The following NT5DC3 variants were observed in gnomAD, a reference collection of about 807,000 sequenced individuals.
NT5DC3 encodes the protein 5'-nucleotidase domain containing 3.
A neutral mutation model predicts 67.8 loss-of-function variants in NT5DC3; 42 were observed. That is an observed-to-expected ratio of 0.62 (90% CI 0.48 to 0.80). NT5DC3 has a LOEUF of 0.80. Among genes scored for constraint, NT5DC3 ranks in the 30% least tolerant of loss-of-function variants. NT5DC3 has a pLI of 0.00. For synonymous variants in NT5DC3, 237 were observed against 255.6 expected, an observed-to-expected ratio of 0.93 and a Z score of 0.69; for missense variants, 570 against 696.4, an observed-to-expected ratio of 0.82 and a Z score of 2.04.
rs568251596 is a variant in NT5DC3 at position 103,774,308 on chromosome 12, C to T, written c.*3521G>A. 7 of 152,312 alleles carry T rather than the reference C, an allele frequency of 4.6e-5. No homozygotes were observed. The South Asian group carries it at 1.0e-3, about 23-fold the overall frequency. 9.4% of individuals were successfully genotyped at this position (152,312 alleles called of 1,614,324 possible). A position where few individuals can be genotyped will look rare whatever the true frequency, so the allele number is the denominator to read the frequency against. ...TTTTTTAAATGGCTGAAAACAGATT[C>T]ATTTCCCTTGTACCAATATGCATTC... On this transcript the variant is annotated 3_prime_UTR_variant, in exon 14 of 14. Coordinates refer to ENST00000392876, the MANE Select transcript of NT5DC3 (RefSeq NM_001031701.3).
At chr12:103,796,342 C>A (rs1886313054) in intron 6 of NT5DC3, among the ~76,000 whole-genome samples, 1 of 152,006 alleles carries the variant, frequency 6.6e-6, no homozygotes, top group South Asian at 2.1e-4. Context: ...CATGGTGAAA[C>A]CTCGTCTCTA....
At chr12:103,750,965 G>A in the NT5DC3 span, among the ~76,000 whole-genome samples, 18 of 152,194 alleles carry the variant, frequency 1.2e-4, no homozygotes, top group South Asian at 2.1e-4. Context: ...GGCAGTGCGC[G>A]CCTGTAATCC....
chr12:103,830,338 T>C (rs1887874533), intron 1 of NT5DC3, among the ~76,000 whole-genome samples: 1 of 152,222 alleles, frequency 6.6e-6, no homozygotes, highest in Non-Finnish European at 1.5e-5. Context: ...TATGATATTC[T>C]CTTTGTCTTT....
chr12:103,797,822 A>C (rs1008978225), intron 5 of NT5DC3, among the ~76,000 whole-genome samples: 2 of 152,238 alleles, frequency 1.3e-5, no homozygotes, highest in African/African-American at 2.4e-5. Flanking sequence ...ATGGGGTTAC[A>C]TTCTGATAAA....
chr12:103,803,859 A>ACCC lies in NT5DC3; in HGVS notation c.524+2460_524+2462dup, dbSNP rs10652483. Among the ~76,000 whole-genome samples the ACCC allele has an allele frequency of 7.8e-3, 1,080 of 139,092 alleles. 15 individuals are homozygous for ACCC. Among genetic ancestry groups the ACCC allele is most frequent in the Admixed American group, 0.025 (339 of 13,438 alleles). The allele number at this position is 139,092 out of a possible 152,430, so 91.2% of individuals were successfully genotyped here. ...TACTAAAATAGATTCATTCATTACCACCCCCCCCCCAAAAAAATGTGTTGA... is the reference window on the plus strand; with the variant it reads ...TACTAAAATAGATTCATTCATTACCACCCCCCCCCCCCCAAAAAAATGTGTTGA... On this transcript the variant is annotated intron_variant, in intron 4 of 13. Coordinates refer to ENST00000392876, the MANE Select transcript of NT5DC3 (RefSeq NM_001031701.3).
At chr12:103,832,940 A>G (rs540318640) in intron 1 of NT5DC3, among the ~76,000 whole-genome samples, 4 of 152,346 alleles carry the variant, frequency 2.6e-5, no homozygotes, top group Non-Finnish European at 5.9e-5. Context: ...GTGTCTTTTT[A>G]TAAAGAAAAA....
chr12:103,749,298 C>T, the NT5DC3 span: 2 of 1,000,116 alleles, frequency 2.0e-6, no homozygotes, highest in Admixed American at 6.0e-5. Context: ...TGTTAAAAGT[C>T]ATTGGGCTAA....
At chr12:103,765,073 C>G in the NT5DC3 span, among the ~76,000 whole-genome samples, 1 of 100,166 alleles carries the variant, frequency 1.0e-5, no homozygotes, top group South Asian at 3.5e-4. Context: ...GGCAGCAGAG[C>G]AAGACTCTGT....
intron 4 of NT5DC3, among the ~76,000 whole-genome samples, chr12:103,804,110 G>A (rs1199611857): frequency 2.0e-5 from 3 of 152,086 alleles, no homozygotes; most frequent in Admixed American, 1.3e-4. Context: ...AACAGTGCCT[G>A]TCCCATAGCA....
At chr12:103,755,038 T>C in the NT5DC3 span, 1 of 436,176 alleles carries the variant, frequency 2.3e-6, no homozygotes, top group African/African-American at 2.0e-5. Context: ...TGACAGCAAA[T>C]TCTTTCTCAA....
intron 1 of NT5DC3, among the ~76,000 whole-genome samples, chr12:103,835,251 A>C (rs1888098096): frequency 6.6e-6 from 1 of 152,180 alleles, no homozygotes; most frequent in African/African-American, 2.4e-5. Context: ...ATTCACACAG[A>C]CTTCAACAAG....
intron 12 of NT5DC3, among the ~76,000 whole-genome samples, chr12:103,784,707 A>G (rs1885692695): frequency 6.6e-6 from 1 of 152,228 alleles, no homozygotes; most frequent in Non-Finnish European, 1.5e-5. Context: ...TTAAGGGGAT[A>G]CAGCTACAAA....
At chr12:103,761,526 A>AAGAGGGAGGAGGACAGG in the NT5DC3 span, 2 of 846,606 alleles carry the variant, frequency 2.4e-6, no homozygotes, top group Non-Finnish European at 3.6e-6. Flanking sequence ...AGACTGGAGG[A>AAGAGGGAGGAGGACAGG]GCCTCCAGCC....
At position 103,840,941 on chromosome 12, in the gene NT5DC3, T is replaced by C; in HGVS notation, c.208+8A>G. 7.4e-7 allele frequency: 1 copy of C among 1,352,992 alleles called. No individual in the cohort carries two copies. The highest frequency in any genetic ancestry group is 3.4e-5 in the Admixed American group (1 of 29,138). The allele number at this position is 1,352,992 out of a possible 1,614,324, so 83.8% of individuals were successfully genotyped here. ...CAGGCGCCGGGGCGGGGTCGCCGCC[T>C]CACTCACCTTCTGTGCTTCTCTTCG... On this transcript the variant is annotated splice_region_variant and intron_variant, in intron 1 of 13. Transcript: ENST00000392876.
At chr12:103,801,372 C>CTTTTTT (rs869237844) in intron 4 of NT5DC3, among the ~76,000 whole-genome samples, 8 of 78,948 alleles carry the variant, frequency 1.0e-4, no homozygotes, top group Non-Finnish European at 1.4e-4. Flanking sequence ...TTGGGGTGGG[C>CTTTTTT]TTTTTTTTTT....
intron 1 of NT5DC3, among the ~76,000 whole-genome samples, chr12:103,837,377 C>A (rs1411388148): frequency 1.3e-5 from 2 of 152,248 alleles, no homozygotes; most frequent in Non-Finnish European, 2.9e-5. Context: ...TGGGAATTAA[C>A]ATTAGGCTCT....
chr12:103,840,433 T>G (rs1053833610), intron 1 of NT5DC3, among the ~76,000 whole-genome samples: 3 of 123,738 alleles, frequency 2.4e-5, no homozygotes, highest in African/African-American at 8.7e-5. Context: ...TCCATCCCAT[T>G]CCATCCCATC....
At chr12:103,802,956 T>G (rs12228207) in intron 4 of NT5DC3, among the ~76,000 whole-genome samples, 2 of 152,004 alleles carry the variant, frequency 1.3e-5, no homozygotes, top group African/African-American at 4.8e-5. Flanking sequence ...TTGGGAGTAA[T>G]GATTTAGGGA....
chr12:103,777,834 T>G lies in NT5DC3; in HGVS notation c.1642A>C (p.Lys548Gln), dbSNP rs1566096366. ...GTPLLQEAQA[K>Q] ...TTTCTAGTTTTTGCCCTTGGCTACT[T>G]GGCCTGGGCCTCCTGCAGGAGAGGG... Residue 548 changes from lysine to glutamine, a missense_variant, in exon 14 of 14, where the codon AAG (lysine) becomes CAG (glutamine). By Grantham distance (53) the Lys-to-Gln change is moderately conservative (BLOSUM62 1). Around this residue, in one of 2 missense-constraint regions of NT5DC3, gnomAD observed 466 missense variants for 608.0 expected, o/e 0.77. Transcript: ENST00000392876. 6.2e-7 allele frequency: 1 copy of G among 1,609,712 alleles called. No individual in the cohort carries two copies. Among genetic ancestry groups the G allele is most frequent in the Non-Finnish European group, 8.5e-7 (1 of 1,178,218 alleles).
Sources: gnomAD v4.1 joint callset for allele counts (sites outside exome capture counted in the v4.1 genomes callset) on GRCh38, gnomAD v4.1.1 for gene constraint, gnomAD v4.1.1 regional missense constraint, MANE v1.5 for transcripts, NCBI Gene and HGNC (gene_info 2026-07-23, HGNC 2026-07-21) for gene names.